The following TDRD7 variants were observed in gnomAD, a reference collection of about 807,000 sequenced individuals.
TDRD7 encodes the protein tudor domain-containing protein 7.
In TDRD7, 47 loss-of-function variants were observed where a neutral mutation model predicts 109.8. The ratio of observed to expected loss-of-function variants is 0.43; its 90% CI spans 0.34 to 0.55. The LOEUF (loss-of-function observed/expected upper bound fraction) is 0.55. Ranked by LOEUF, TDRD7 falls within the 20% of genes least tolerant of loss-of-function variation. TDRD7 has a pLI of 0.03. For missense variants in TDRD7, 1,164 were observed against 1,319.2 expected (o/e 0.88, Z 1.82); for synonymous variants, 424 against 457.3 (o/e 0.93, Z 0.93).
intron 12 of TDRD7, among the ~76,000 whole-genome samples, chr9:97,476,801 A>G (rs943329679): frequency 2.0e-5 from 3 of 152,194 alleles, no homozygotes; most frequent in African/African-American, 7.2e-5. Context: ...CCAAAAGGTA[A>G]GAATCGTTGC....
rs557053884 is a variant in TDRD7, at chr9:97,476,766, T to C, written c.2166+1297T>C. 2.5e-4 allele frequency among the ~76,000 whole-genome samples: 38 copies of C among 152,272 alleles called. 1 individual carries two copies. Among genetic ancestry groups the C allele is most frequent in the African/African-American group, 7.2e-4 (30 of 41,568 alleles). On this transcript the variant is annotated intron_variant, in intron 12 of 16. Coordinates refer to ENST00000355295, the MANE Select transcript of TDRD7 (RefSeq NM_014290.3). Reference sequence around the variant, plus strand: ...TATTTTGGGGGAAAAGTATGCATAATTTTGTAAGATTCTCAAATCAACCCC... The same window carrying C: ...TATTTTGGGGGAAAAGTATGCATAACTTTGTAAGATTCTCAAATCAACCCC...
In TDRD7 at chr9:97,432,039, A is replaced by C. The variant is rs938604112; in HGVS notation, c.364A>C (p.Thr122Pro). ...PFFLEGKPKA[T>P]LRQPGFASNF... is the part of the protein sequence containing the mutation. Reference sequence around the variant, plus strand: ...TAACTTCATAGGAAAACCAAAAGCAACCCTCAGACAACCAGGATTTGCTTC... The same window carrying C: ...TAACTTCATAGGAAAACCAAAAGCACCCCTCAGACAACCAGGATTTGCTTC... The change falls in exon 4 of 17, where the codon ACC becomes CCC. Residue 122 changes from threonine to proline, a missense_variant. Thr to Pro is a conservative substitution (Grantham distance 38, BLOSUM62 -1). This residue lies in a region of TDRD7 where 101 missense variants were observed against 148.5 expected (regional missense o/e 0.68). Transcript: ENST00000355295. 6.2e-7 allele frequency: 1 copy of C among 1,613,604 alleles called. No homozygotes were observed. Among genetic ancestry groups the C allele is most frequent in the East Asian group, 2.2e-5 (1 of 44,890 alleles).
intron 1 of TDRD7, among the ~76,000 whole-genome samples, chr9:97,423,739 TTTTGGAGGTAGCCTTTCTC>T (rs1347232203): frequency 6.6e-6 from 1 of 152,172 alleles, no homozygotes; most frequent in Non-Finnish European, 1.5e-5. Context: ...ATTTTTCTAA[TTTTGGAGGTAGCCTTTCTC>T]TTTGACCCTT....
At chr9:97,414,276 A>G (rs1399944360) in intron 1 of TDRD7, among the ~76,000 whole-genome samples, 1 of 152,312 alleles carries the variant, frequency 6.6e-6, no homozygotes, top group Middle Eastern at 3.4e-3. Flanking sequence ...TAATTTTGCA[A>G]TTTTTAGTTG....
intron 6 of TDRD7, among the ~76,000 whole-genome samples, chr9:97,456,109 G>T (rs2118461438): frequency 6.6e-6 from 1 of 152,162 alleles, no homozygotes; most frequent in South Asian, 2.1e-4. Context: ...TAGGAACACA[G>T]CTAACAAAGG....
chr9:97,475,464 G>A lies in TDRD7; in HGVS notation c.2161G>A (p.Val721Ile). Residue 721 changes from valine (V) to isoleucine (I), a missense_variant, in exon 12 of 17, where the codon GTA (valine) becomes ATA (isoleucine). This residue lies in a region of TDRD7 where 261 missense variants were observed against 336.2 expected (regional missense o/e 0.78). Transcript: ENST00000355295. ...LFHCKGKWLR[V>I]EITNVHSSRA... ...CCATTGCAAAGGAAAATGGTTACGA[G>A]TAGAGGTAAAAATCAGTCACTTGGC... 6.2e-7 allele frequency: 1 copy of A among 1,610,870 alleles called. No homozygotes were observed. Among genetic ancestry groups the A allele is most frequent in the South Asian group, 1.1e-5 (1 of 90,882 alleles).
chr9:97,484,671 A>G (rs1483479678), intron 15 of TDRD7, among the ~76,000 whole-genome samples: 1 of 152,248 alleles, frequency 6.6e-6, no homozygotes, highest in Non-Finnish European at 1.5e-5. Context: ...TACAATTTGT[A>G]TGTCATAAGC....
At position 97,470,641 on chromosome 9, in the gene TDRD7, A is replaced by G. The variant is rs758675537; in HGVS notation, c.1713A>G (p.Ser571=). 5.6e-6 allele frequency: 9 copies of G among 1,613,828 alleles called. No homozygotes were observed. Among genetic ancestry groups the G allele is most frequent in the Non-Finnish European group, 7.6e-6 (9 of 1,179,918 alleles). The change falls in exon 9 of 17, where the codon TCA becomes TCG. Residue 571 remains serine (S), a synonymous_variant. Coordinates refer to ENST00000355295, the MANE Select transcript of TDRD7 (RefSeq NM_014290.3). The stretch of plus-strand genomic sequence containing the variant: ...TAAACCCGAAGTTTTGTTCACTCTC[A>G]TTTCAAGCTACAAAATGTAAGCTTG... ...YKLNPKFCSL[S]FQATKCKLAG...
intron 15 of TDRD7, among the ~76,000 whole-genome samples, chr9:97,486,540 C>G (rs1484519296): frequency 6.6e-6 from 1 of 151,814 alleles, no homozygotes; most frequent in African/African-American, 2.4e-5. Context: ...TTTTAATGAC[C>G]TTGTCATAAT....
chr9:97,495,681 G>A lies in TDRD7; in HGVS notation c.3095G>A (p.Trp1032Ter). Reference sequence around the variant, plus strand: ...CTCCTAGGAGTGAAGTGCAACCAGTGGTCTGAGGAGGCTTCTATGGTGTTT... The same window carrying A: ...CTCCTAGGAGTGAAGTGCAACCAGTAGTCTGAGGAGGCTTCTATGGTGTTT... ...AQLAGVKCNQ[W>*]SEEASMVFRN... The change falls in exon 17 of 17, where the codon TGG (tryptophan) becomes TAG (stop). Residue 1032 changes from tryptophan to a stop codon, truncating the protein, a stop_gained. Transcript: ENST00000355295. LOFTEE classifies it high-confidence loss of function. 1 of 1,614,160 alleles carries A rather than the reference G, an allele frequency of 6.2e-7. No individual in the cohort carries two copies.
At position 97,412,535 on chromosome 9, in the gene TDRD7, C is replaced by T. The variant is rs560082857; in HGVS notation, c.-7+297C>T. 3.9e-5 allele frequency among the ~76,000 whole-genome samples: 6 copies of T among 152,278 alleles called. No homozygotes were observed. The East Asian group carries it at 9.7e-4, about 25-fold the overall frequency. ...AGTCGGACGGAGCCTCCTGCCGCCT[C>T]GGAAGCTCTGCGCCGTGGGGGAAAT... On this transcript the variant is annotated intron_variant, in intron 1 of 16. Transcript: ENST00000355295. The surrounding 1 kb of genome is among the most constrained non-coding windows in gnomAD (Gnocchi z 4.3).
At chr9:97,444,466 T>TA (rs1170770310) in intron 6 of TDRD7, among the ~76,000 whole-genome samples, 17 of 152,250 alleles carry the variant, frequency 1.1e-4, no homozygotes, top group Non-Finnish European at 2.4e-4. Context: ...TTTAAACACT[T>TA]ACACAATGGT....
At chr9:97,434,611 A>G (rs757482074) in intron 4 of TDRD7, among the ~76,000 whole-genome samples, 16 of 152,102 alleles carry the variant, frequency 1.1e-4, no homozygotes, top group Non-Finnish European at 2.2e-4. Flanking sequence ...AATATATACA[A>G]TTTTTTCTTG....
chr9:97,428,929 C>G (rs1036938764), intron 2 of TDRD7, among the ~76,000 whole-genome samples: 4 of 152,192 alleles, frequency 2.6e-5, no homozygotes, highest in African/African-American at 9.7e-5. Flanking sequence ...ATGTCAACAT[C>G]TAAACAAAAT....
chr9:97,425,795 A>G (rs747925282), intron 1 of TDRD7, among the ~76,000 whole-genome samples: 1 of 152,230 alleles, frequency 6.6e-6, no homozygotes, highest in Non-Finnish European at 1.5e-5. Context: ...AACGACAGGG[A>G]TATGTTCTGA....
At chr9:97,494,191 A>G (rs1483503678) in intron 16 of TDRD7, among the ~76,000 whole-genome samples, 2 of 152,260 alleles carry the variant, frequency 1.3e-5, no homozygotes, top group African/African-American at 4.8e-5. Flanking sequence ...AAGAAATTAT[A>G]AAAGTATTAA....
intron 6 of TDRD7, among the ~76,000 whole-genome samples, chr9:97,448,635 T>C (rs1828439823): frequency 6.6e-6 from 1 of 152,232 alleles, no homozygotes; most frequent in African/African-American, 2.4e-5. Flanking sequence ...TTTTCTTTGT[T>C]GTTTTTGTTT....
At chr9:97,492,835 A>T (rs949052983) in intron 16 of TDRD7, among the ~76,000 whole-genome samples, 1 of 152,234 alleles carries the variant, frequency 6.6e-6, no homozygotes, top group Non-Finnish European at 1.5e-5. Flanking sequence ...TTGAAAACAT[A>T]TGAACTGGAA....
chr9:97,431,314 C>T (rs902958180), intron 3 of TDRD7, among the ~76,000 whole-genome samples: 1 of 152,068 alleles, frequency 6.6e-6, no homozygotes, highest in Non-Finnish European at 1.5e-5. Flanking sequence ...TTTAATTGAG[C>T]TTGTTACGGT....
Sources: gnomAD v4.1 joint callset for allele counts (sites outside exome capture counted in the v4.1 genomes callset) on GRCh38, gnomAD v4.1.1 for gene constraint, gnomAD v4.1.1 regional missense constraint, Gnocchi (gnomAD v3.1) non-coding constraint, MANE v1.5 for transcripts, NCBI Gene and HGNC (gene_info 2026-07-23, HGNC 2026-07-21) for gene names.